Variants in PPP4R1 observed in about 807,000 individuals in gnomAD.
PPP4R1 encodes serine/threonine-protein phosphatase 4 regulatory subunit 1.
Under a neutral mutation model 111.2 loss-of-function variants are expected in PPP4R1, and 42 were observed. That is an observed-to-expected ratio of 0.38 (90% confidence interval 0.29 to 0.49). PPP4R1 has a LOEUF of 0.49. Ranked by LOEUF, PPP4R1 falls within the 20% of genes least tolerant of loss-of-function variation. PPP4R1 has a pLI of 0.97. For synonymous variants in PPP4R1, 409 were observed against 405.5 expected (o/e 1.01, Z -0.10); for missense variants, 1,012 against 1,161.6 (o/e 0.87, Z 1.87).
chr18:9,559,479 G>A lies in PPP4R1; in HGVS notation c.1968C>T (p.Leu656=), dbSNP rs774973902. ...AYSLPGVALT[L]GRQNWHCLRE... ...TCAGGCAGTGCCAATTCTGTCTTCC[G>A]AGTGTCAAGGCCACACCAGGGAGGC... The change falls in exon 14 of 20, where the codon CTC becomes CTT. Residue 656 remains leucine, a synonymous_variant. Coordinates refer to ENST00000400556, the MANE Select transcript of PPP4R1 (RefSeq NM_001042388.3). The A allele has an allele frequency of 1.3e-5, 21 of 1,613,498 alleles. No individual in the cohort carries two copies. The highest frequency in any genetic ancestry group is 1.6e-4 in the Middle Eastern group (1 of 6,084).
intron 4 of PPP4R1, among the ~76,000 whole-genome samples, chr18:9,590,437 C>T (rs978967922): frequency 2.6e-5 from 4 of 152,122 alleles, no homozygotes; most frequent in African/African-American, 9.7e-5. Flanking sequence ...CTCATGGATG[C>T]TGAATTTTCT....
chr18:9,558,256 G>A (rs2066618641), intron 14 of PPP4R1, among the ~76,000 whole-genome samples: 1 of 152,150 alleles, frequency 6.6e-6, no homozygotes, highest in Admixed American at 6.5e-5. Context: ...GATGAAGGCA[G>A]AGATGTTCTG....
chr18:9,564,737 T>TGTGGGGGG (rs1475596391), intron 11 of PPP4R1, among the ~76,000 whole-genome samples: 14 of 68,016 alleles, frequency 2.1e-4, no homozygotes, highest in South Asian at 9.7e-4. Context: ...TGTGTGTGTG[T>TGTGGGGGG]GGGGGTATCA....
chr18:9,578,177 T>C (rs1283157253), intron 9 of PPP4R1, among the ~76,000 whole-genome samples: 1 of 152,210 alleles, frequency 6.6e-6, no homozygotes, highest in Non-Finnish European at 1.5e-5. Flanking sequence ...GCAACAACAA[T>C]GGGAAACTGG....
intron 6 of PPP4R1, 56 bp from the exon 7 acceptor site, chr18:9,584,884 T>G: frequency 7.7e-7 from 1 of 1,292,880 alleles, no homozygotes; most frequent in Non-Finnish European, 1.1e-6. Flanking sequence ...CTCTTTCAGT[T>G]AAATTAAATA....
At chr18:9,601,412 G>C (rs2067380873) in intron 2 of PPP4R1, among the ~76,000 whole-genome samples, 1 of 152,002 alleles carries the variant, frequency 6.6e-6, no homozygotes, top group South Asian at 2.1e-4. Context: ...TGAAATTCCA[G>C]CTACTTGGGA....
intron 13 of PPP4R1, among the ~76,000 whole-genome samples, chr18:9,560,399 A>G (rs1428812848): frequency 9.5e-6 from 1 of 105,224 alleles, no homozygotes; most frequent in African/African-American, 3.8e-5. Flanking sequence ...ACATATTTGC[A>G]ATCTTGCTTA....
rs2066473190 is a variant in PPP4R1 at position 9,550,582 on chromosome 18, C to T, written c.2292-184G>A. The T allele has an allele frequency of 4.7e-6, 3 of 645,118 alleles. No individual in the cohort carries two copies. In the African/African-American group the frequency reaches 5.5e-5, roughly 12 times the overall value. The allele number at this position is 645,118 out of a possible 1,614,324, so 40.0% of individuals were successfully genotyped here. A position where few individuals can be genotyped will look rare whatever the true frequency, so the allele number is the denominator to read the frequency against. ...TCCAGTCTCTGTGTATCTGGAAATG[C>T]ACTTACATGCTATTCAAGTTCCTTA... On this transcript the variant is annotated intron_variant, in intron 16 of 19. Coordinates refer to ENST00000400556, the MANE Select transcript of PPP4R1 (RefSeq NM_001042388.3).
At chr18:9,576,806 A>C (rs147330884) in intron 10 of PPP4R1, among the ~76,000 whole-genome samples, 1 of 152,340 alleles carries the variant, frequency 6.6e-6, no homozygotes, top group African/African-American at 2.4e-5. Context: ...TACCATTTAG[A>C]GTTTCCTATG....
At chr18:9,549,891 G>C (rs1038442294) in intron 18 of PPP4R1, 161 bp downstream of exon 18, 7 of 1,075,082 alleles carry the variant, frequency 6.5e-6, no homozygotes, top group South Asian at 5.0e-5. Context: ...GGGGCCACCA[G>C]ATGCCCAACA....
chr18:9,562,661 T>G (rs191676914), intron 12 of PPP4R1, among the ~76,000 whole-genome samples: 72 of 152,296 alleles, frequency 4.7e-4, no homozygotes, highest in African/African-American at 1.5e-3. Context: ...AGAAATGCAC[T>G]AAAGCTCTAA....
At position 9,597,532 on chromosome 18, in the gene PPP4R1, G is replaced by A. The variant is rs572907484; in HGVS notation, c.53-2379C>T. The stretch of plus-strand genomic sequence containing the variant: ...TCTGGGAAAAATAATTACCTGAAAC[G>A]ATCAAGTGAACGAATCCTCGATTAT... On this transcript the variant is annotated intron_variant, in intron 2 of 19. Transcript: ENST00000400556. Among the ~76,000 whole-genome samples, 26 of 152,284 alleles carry A rather than the reference G, an allele frequency of 1.7e-4. No individual in the cohort carries two copies. In the South Asian group the frequency reaches 2.5e-3, roughly 15 times the overall value.
intron 12 of PPP4R1, chr18:9,562,938 C>T (rs937954534): frequency 2.0e-6 from 2 of 996,232 alleles, no homozygotes; most frequent in Non-Finnish European, 2.4e-6. Flanking sequence ...ACTCCAGAGT[C>T]CAGATAATGT....
rs2067059876 is a variant in PPP4R1, at chr18:9,583,208, A to T, written c.827T>A (p.Phe276Tyr). ...WGVRKACAEC[F>Y]MAVSCATCQE... ...ACATGTTGCACATGAAACCGCCATG[A>T]AGCATTCAGCACAAGCCTTTCGGAC... The change falls in exon 9 of 20, where the codon TTC (phenylalanine) becomes TAC (tyrosine). Residue 276 changes from phenylalanine to tyrosine, a missense_variant. This residue lies in a region of PPP4R1 where 707 missense variants were observed against 742.1 expected (regional missense o/e 0.95). Coordinates refer to ENST00000400556, the MANE Select transcript of PPP4R1 (RefSeq NM_001042388.3). 1.2e-6 allele frequency: 2 copies of T among 1,611,344 alleles called. No homozygotes were observed. Among genetic ancestry groups the T allele is most frequent in the African/African-American group, 2.7e-5 (2 of 74,894 alleles).
intron 2 of PPP4R1, among the ~76,000 whole-genome samples, chr18:9,600,685 C>G (rs762779355): frequency 3.9e-5 from 6 of 152,082 alleles, no homozygotes; most frequent in Middle Eastern, 3.4e-3. Flanking sequence ...ATGAGACCAG[C>G]CTGGGCAACA....
chr18:9,591,834 A>G (rs1372649688), intron 4 of PPP4R1, among the ~76,000 whole-genome samples: 1 of 152,174 alleles, frequency 6.6e-6, no homozygotes, highest in African/African-American at 2.4e-5. Context: ...TGGGAGCTTG[A>G]GGCAGGTGGA....
At chr18:9,604,482 C>T (rs1206092341) in intron 2 of PPP4R1, among the ~76,000 whole-genome samples, 1 of 152,146 alleles carries the variant, frequency 6.6e-6, no homozygotes, top group Non-Finnish European at 1.5e-5. Context: ...TAGTTTCCTC[C>T]TCTGTACACA....
chr18:9,574,855 C>T (rs762449455), intron 10 of PPP4R1, among the ~76,000 whole-genome samples: 3 of 152,132 alleles, frequency 2.0e-5, no homozygotes, highest in Non-Finnish European at 2.9e-5. Context: ...CAGAGAGCAG[C>T]AAGTACAAAA....
chr18:9,549,948 G>T, intron 18 of PPP4R1, 104 bp downstream of exon 18: 3 of 1,491,742 alleles, frequency 2.0e-6, no homozygotes, highest in South Asian at 1.2e-5. Flanking sequence ...ATAAGGTTCT[G>T]TTCCTTAAGA....
Sources: gnomAD v4.1 joint callset for allele counts (sites outside exome capture counted in the v4.1 genomes callset) on GRCh38, gnomAD v4.1.1 for gene constraint, gnomAD v4.1.1 regional missense constraint, MANE v1.5 for transcripts, NCBI Gene and HGNC (gene_info 2026-07-23, HGNC 2026-07-21) for gene names.